The following AHDC1 variants were observed in gnomAD, a reference collection of about 807,000 sequenced individuals.
The protein encoded by AHDC1 is AT-hook DNA binding motif containing 1.
AHDC1 carries 7 observed loss-of-function variants against 87.9 expected under a neutral mutation model. That is an observed-to-expected ratio of 0.08 (90% CI 0.05 to 0.15). The LOEUF is 0.15. Among genes scored for constraint, AHDC1 ranks in the 10% least tolerant of loss-of-function variants. The pLI, the probability that AHDC1 is intolerant of heterozygous loss-of-function variation, is 1.00. For synonymous variants in AHDC1, 1,051 were observed against 1,006.8 expected, an observed-to-expected ratio of 1.04 and a Z score of -0.83; for missense variants, 1,841 against 2,253.2, an observed-to-expected ratio of 0.82 and a Z score of 3.70.
In AHDC1 at chr1:27,563,638, G is replaced by C. The variant is rs1270044540; in HGVS notation, c.-628-4755C>G. ...ACGGCATGAATGTCACCCCAGCACT[G>C]CCAGAGCCGGGCACAGCCACACATT... On this transcript the variant is annotated intron_variant, in intron 3 of 8. Coordinates refer to ENST00000673934, the MANE Select transcript of AHDC1 (RefSeq NM_001371928.1). The surrounding 1 kb of genome is among the most constrained non-coding windows in gnomAD (Gnocchi z 6.1). Among the ~76,000 whole-genome samples, 1 of 152,198 alleles carries C rather than the reference G, an allele frequency of 6.6e-6. No homozygotes were observed. Among genetic ancestry groups the C allele is most frequent in the Non-Finnish European group, 1.5e-5 (1 of 68,036 alleles).
chr1:27,538,283 A>AC (rs1281227641), intron 8 of AHDC1, among the ~76,000 whole-genome samples: 2 of 151,218 alleles, frequency 1.3e-5, no homozygotes, highest in Non-Finnish European at 2.9e-5. Context: ...ACACCCTGTA[A>AC]CCCCAGCTAC....
chr1:27,573,668 A>C (rs1192960061), intron 3 of AHDC1, among the ~76,000 whole-genome samples: 2 of 152,120 alleles, frequency 1.3e-5, no homozygotes, highest in Non-Finnish European at 2.9e-5. Flanking sequence ...TGTCTCCCCA[A>C]ACCAAAGGCA....
intron 3 of AHDC1, among the ~76,000 whole-genome samples, chr1:27,589,883 G>A (rs907842805): frequency 2.6e-5 from 4 of 151,992 alleles, no homozygotes; most frequent in Non-Finnish European, 5.9e-5. Context: ...GCCAGGCACC[G>A]GCCCCCACCC....
At chr1:27,575,601 C>T (rs1474736000) in intron 3 of AHDC1, among the ~76,000 whole-genome samples, 2 of 151,750 alleles carry the variant, frequency 1.3e-5, no homozygotes, top group Non-Finnish European at 2.9e-5. Flanking sequence ...CTCCATCATC[C>T]CCGCGCAGCG....
intron 3 of AHDC1, among the ~76,000 whole-genome samples, chr1:27,581,136 G>C (rs1458788251): frequency 6.6e-6 from 1 of 152,032 alleles, no homozygotes; most frequent in Non-Finnish European, 1.5e-5. Flanking sequence ...CGTCCCGCCT[G>C]TTTTTGTTTT....
rs746077736 is a variant in AHDC1, at chr1:27,547,584, G to A, written c.4532C>T (p.Thr1511Met). 11 of 1,607,908 alleles carry A rather than the reference G, an allele frequency of 6.8e-6. No individual in the cohort carries two copies. Among genetic ancestry groups the A allele is most frequent in the African/African-American group, 2.7e-5 (2 of 74,842 alleles). The change falls in exon 8 of 9, where the codon ACG becomes ATG. Residue 1511 changes from threonine (T) to methionine (M), a missense_variant. Around this residue, in one of 13 missense-constraint regions of AHDC1, gnomAD observed 505 missense variants for 626.2 expected, o/e 0.81. Transcript: ENST00000673934. This position sits in a 1 kb window ranked among gnomAD's most constrained non-coding sequence, Gnocchi z 4.9. ...SAPHLASPPA[T>M]PKADKEPLEM... The stretch of plus-strand genomic sequence containing the variant: ...CAGTGGCTCCTTGTCGGCCTTGGGC[G>A]TGGCTGGTGGGCTAGCCAGGTGAGG...
At chr1:27,541,706 T>C (rs1290692390) in intron 8 of AHDC1, among the ~76,000 whole-genome samples, 1 of 151,216 alleles carries the variant, frequency 6.6e-6, no homozygotes, top group Non-Finnish European at 1.5e-5. Flanking sequence ...CTTGGCTCAC[T>C]GCAACCTCCG....
chr1:27,570,619 C>A (rs567752569), intron 3 of AHDC1, among the ~76,000 whole-genome samples: 1 of 152,122 alleles, frequency 6.6e-6, no homozygotes, highest in Non-Finnish European at 1.5e-5. Context: ...CCTGAGCTGC[C>A]CTGCATGTCA....
chr1:27,539,416 G>A (rs1297069234), intron 8 of AHDC1, among the ~76,000 whole-genome samples: 3 of 151,064 alleles, frequency 2.0e-5, no homozygotes, highest in Non-Finnish European at 4.4e-5. Context: ...GATTGCAGGC[G>A]TGGTGAGCCA....
chr1:27,589,283 G>A (rs949466990), intron 3 of AHDC1, among the ~76,000 whole-genome samples: 14 of 152,182 alleles, frequency 9.2e-5, no homozygotes, highest in Non-Finnish European at 1.3e-4. Context: ...GCATTTCTTT[G>A]TCTTTGTCTG....
rs934675113 is a variant in AHDC1, at chr1:27,549,946, G to T, written c.2170C>A (p.Arg724Ser). The change falls in exon 8 of 9, where the codon CGC (arginine) becomes AGC (serine). Residue 724 changes from arginine (R) to serine (S), a missense_variant. Coordinates refer to ENST00000673934, the MANE Select transcript of AHDC1 (RefSeq NM_001371928.1). ...TCTACCTCCCCCCGGCCCCGTTTGC[G>T]TGGGTGCCCCAACTCAGTAAGGCCC... ...GPGLTELGHPRKRGRGEVDAV... is the reference protein window; with the variant it reads ...GPGLTELGHPSKRGRGEVDAV... 1.2e-6 allele frequency: 2 copies of T among 1,612,934 alleles called. No homozygotes were observed. Among genetic ancestry groups the T allele is most frequent in the South Asian group, 2.2e-5 (2 of 90,982 alleles).
chr1:27,535,621 G>A (rs1008969918), intron 8 of AHDC1, among the ~76,000 whole-genome samples: 5 of 152,214 alleles, frequency 3.3e-5, no homozygotes, highest in Middle Eastern at 3.4e-3. Context: ...CTGTTCCTTA[G>A]AGAGGTGAGG....
Position 27,598,427 on chromosome 1 carries a change from A to T in AHDC1, c.-629+4970T>A, listed in dbSNP as rs1034886626. ...TGCCCACCTTCCTCATCCCCTGGCC[A>T]ATGGAAGAGATGCTGGGATCCAGGA... On this transcript the variant is annotated intron_variant, in intron 3 of 8. Coordinates refer to ENST00000673934, the MANE Select transcript of AHDC1 (RefSeq NM_001371928.1). This position sits in a 1 kb window ranked among gnomAD's most constrained non-coding sequence, Gnocchi z 4.2. 9.9e-5 allele frequency among the ~76,000 whole-genome samples: 15 copies of T among 152,170 alleles called. No individual in the cohort carries two copies. Among genetic ancestry groups the T allele is most frequent in the Non-Finnish European group, 2.2e-4 (15 of 68,002 alleles).
At chr1:27,539,535 T>TA (rs2018811150) in intron 8 of AHDC1, among the ~76,000 whole-genome samples, 2 of 152,186 alleles carry the variant, frequency 1.3e-5, no homozygotes, top group African/African-American at 4.8e-5. Context: ...AACCTCTGCC[T>TA]ACTGGGTTCA....
Position 27,563,528 on chromosome 1 carries a change from G to A in AHDC1, c.-628-4645C>T, listed in dbSNP as rs1465555063. 6.6e-6 allele frequency among the ~76,000 whole-genome samples: 1 copy of A among 152,174 alleles called. No homozygotes were observed. Among genetic ancestry groups the A allele is most frequent in the Non-Finnish European group, 1.5e-5 (1 of 68,028 alleles). On this transcript the variant is annotated intron_variant, in intron 3 of 8. Coordinates refer to ENST00000673934, the MANE Select transcript of AHDC1 (RefSeq NM_001371928.1). This position sits in a 1 kb window ranked among gnomAD's most constrained non-coding sequence, Gnocchi z 6.1. ...TCACCTCCCCGGCTGCCTTGGACAG[G>A]TGACAGCCCACCTCACCCCTCCCCC...
At chr1:27,602,992 C>A (rs990245172) in intron 3 of AHDC1, among the ~76,000 whole-genome samples, 3 of 141,098 alleles carry the variant, frequency 2.1e-5, no homozygotes, top group African/African-American at 2.6e-5. Flanking sequence ...TCATTCCCCC[C>A]CCCCCCACAT....
chr1:27,574,154 C>T (rs1571301559), intron 3 of AHDC1, among the ~76,000 whole-genome samples: 1 of 152,216 alleles, frequency 6.6e-6, no homozygotes, highest in Non-Finnish European at 1.5e-5. Context: ...ACCAGCCTCA[C>T]AGCCTGCCTG....
At chr1:27,602,292 C>G (rs1012729229) in intron 3 of AHDC1, among the ~76,000 whole-genome samples, 11 of 152,122 alleles carry the variant, frequency 7.2e-5, no homozygotes, top group East Asian at 3.9e-4. Context: ...CCGCTCTGTG[C>G]CCGCTGCCCG....
intron 8 of AHDC1, among the ~76,000 whole-genome samples, chr1:27,541,260 A>C (rs1363971613): frequency 6.6e-6 from 1 of 152,108 alleles, no homozygotes; most frequent in Non-Finnish European, 1.5e-5. Flanking sequence ...GTTCCTTCTC[A>C]TGGGAGTGTC....
Sources: allele counts gnomAD v4.1 joint callset (sites outside exome capture counted in the v4.1 genomes callset), GRCh38; gene constraint gnomAD v4.1.1; regional missense constraint gnomAD v4.1.1; non-coding constraint Gnocchi (gnomAD v3.1); transcripts MANE v1.5; gene names NCBI Gene and HGNC (gene_info 2026-07-23, HGNC 2026-07-21).